BRD7: variants seen among roughly 807,000 people sequenced by gnomAD.
BRD7 encodes the protein bromodomain-containing protein 7.
BRD7 carries 15 observed loss-of-function variants against 82.1 expected under a neutral mutation model. That is an observed-to-expected ratio of 0.18 (90% CI 0.12 to 0.28). The LOEUF (loss-of-function observed/expected upper bound fraction) is 0.28. Ranked by LOEUF, BRD7 falls within the 10% of genes least tolerant of loss-of-function variation. The probability of loss-of-function intolerance (pLI) is 1.00; values close to 1 mark genes in which losing one functional copy is unlikely to be tolerated. For missense variants in BRD7, 638 were observed against 779.9 expected (o/e 0.82, Z 2.17); for synonymous variants, 232 against 266.9 (o/e 0.87, Z 1.27).
rs764216414 is a variant in BRD7 at position 50,326,382 on chromosome 16, T to G, written c.1097A>C (p.Tyr366Ser). 1.9e-6 allele frequency: 3 copies of G among 1,581,948 alleles called. No homozygotes were observed. Among genetic ancestry groups the G allele is most frequent in the Non-Finnish European group, 2.6e-6 (3 of 1,158,708 alleles). ...PVDPIVGEPG[Y>S]CPVRLGMTTG... ...TGTCATTCCCAGTCTCACAGGGCAG[T>G]AGCCTGGCTCTACAACATAAAACAG... is the stretch of plus-strand genomic sequence containing the variant. Residue 366 changes from tyrosine (Y) to serine (S), a missense_variant, in exon 10 of 17, where the codon TAC (tyrosine) becomes TCC (serine). Tyr to Ser is a moderately radical substitution (Grantham distance 144). Coordinates refer to ENST00000394688, the MANE Select transcript of BRD7 (RefSeq NM_013263.5).
intron 2 of BRD7, among the ~76,000 whole-genome samples, chr16:50,362,103 CAT>C (rs1283547140): frequency 6.6e-6 from 1 of 152,210 alleles, no homozygotes; most frequent in East Asian, 1.9e-4. Context: ...GTTAACTGAA[CAT>C]ATAGTGTTAC....
intron 16 of BRD7, 31 bp from the exon 17 acceptor site, chr16:50,319,297 A>G: frequency 1.9e-6 from 3 of 1,603,612 alleles, no homozygotes; most frequent in African/African-American, 1.3e-5. Context: ...TTAATTCAAC[A>G]TTGTTTTTAC....
chr16:50,358,248 G>T (rs965623901), intron 2 of BRD7, among the ~76,000 whole-genome samples: 6 of 147,532 alleles, frequency 4.1e-5, no homozygotes, highest in Non-Finnish European at 6.0e-5. Context: ...CTGCTGGCTG[G>T]ATGCGGTGGC....
intron 9 of BRD7, among the ~76,000 whole-genome samples, chr16:50,326,981 G>A (rs1034963666): frequency 6.6e-6 from 1 of 152,192 alleles, no homozygotes; most frequent in African/African-American, 2.4e-5. Flanking sequence ...ATCTAACAGA[G>A]GGACATCTGC....
intron 2 of BRD7, among the ~76,000 whole-genome samples, chr16:50,364,159 G>A (rs1237088316): frequency 6.6e-6 from 1 of 152,100 alleles, no homozygotes; most frequent in African/African-American, 2.4e-5. Flanking sequence ...ATAAGCAGAA[G>A]TTATGTATGC....
At chr16:50,336,948 G>C (rs1373959243) in intron 6 of BRD7, among the ~76,000 whole-genome samples, 1 of 152,152 alleles carries the variant, frequency 6.6e-6, no homozygotes, top group Non-Finnish European at 1.5e-5. Flanking sequence ...TAACAGGGCT[G>C]GTTCTTTGCT....
intron 2 of BRD7, among the ~76,000 whole-genome samples, chr16:50,356,160 TA>T (rs993670384): frequency 2.6e-5 from 4 of 152,326 alleles, no homozygotes; most frequent in Admixed American, 2.6e-4. Context: ...CAAGTTTTGA[TA>T]AAAATGTAGA....
At chr16:50,336,624 T>A (rs1488200131) in intron 6 of BRD7, among the ~76,000 whole-genome samples, 1 of 152,212 alleles carries the variant, frequency 6.6e-6, no homozygotes, top group Non-Finnish European at 1.5e-5. Context: ...ATTTGATTTT[T>A]AAAAACACGT....
At chr16:50,329,495 A>T (rs1251226187) in intron 8 of BRD7, among the ~76,000 whole-genome samples, 1 of 152,178 alleles carries the variant, frequency 6.6e-6, no homozygotes, top group Non-Finnish European at 1.5e-5. Flanking sequence ...TCAGGAGTGG[A>T]GGGACCAAGA....
intron 11 of BRD7, among the ~76,000 whole-genome samples, chr16:50,324,759 T>C (rs1344217283): frequency 6.6e-6 from 1 of 152,234 alleles, no homozygotes; most frequent in Non-Finnish European, 1.5e-5. Context: ...TGCTTTACCT[T>C]TCTCCAAAGC....
At chr16:50,355,987 C>T (rs967405288) in intron 2 of BRD7, among the ~76,000 whole-genome samples, 1 of 151,898 alleles carries the variant, frequency 6.6e-6, no homozygotes, top group Non-Finnish European at 1.5e-5. Flanking sequence ...GCAAAAAATC[C>T]AAAAAAGAAA....
At position 50,316,718 on chromosome 16, in the gene BRD7, T is replaced by TCCCAAGGAATTGAAAGTCAA. The variant is rs774852959; in HGVS notation, c.*2473_*2492dup. 3 of 152,282 alleles carry TCCCAAGGAATTGAAAGTCAA rather than the reference T, an allele frequency of 2.0e-5. No individual in the cohort carries two copies. Among genetic ancestry groups the TCCCAAGGAATTGAAAGTCAA allele is most frequent in the Non-Finnish European group, 4.4e-5 (3 of 68,038 alleles). 9.4% of individuals were successfully genotyped at this position (152,282 alleles called of 1,614,324 possible). A position where few individuals can be genotyped will look rare whatever the true frequency, so the allele number is the denominator to read the frequency against. The stretch of plus-strand genomic sequence containing the variant: ...GGATGTGTCTTACTGTGCTTCAACT[T>TCCCAAGGAATTGAAAGTCAA]CCCAAGGAATTGAAAGTCAACCTAA... On this transcript the variant is annotated 3_prime_UTR_variant, in exon 17 of 17. Transcript: ENST00000394688.
Position 50,318,580 on chromosome 16 carries a change from A to AAGT in BRD7, c.*628_*630dup, listed in dbSNP as rs2036930170. ...GACCTTTGTATTTCAGATAAACAGT[A>AAGT]AGTAAAGTAGAAATGTCACCTTTTG... On this transcript the variant is annotated 3_prime_UTR_variant, in exon 17 of 17. Transcript: ENST00000394688. 1 of 152,222 alleles carries AAGT rather than the reference A, an allele frequency of 6.6e-6. No individual in the cohort carries two copies. Among genetic ancestry groups the AAGT allele is most frequent in the African/African-American group, 2.4e-5 (1 of 41,464 alleles). 9.4% of individuals were successfully genotyped at this position (152,222 alleles called of 1,614,324 possible). A position where few individuals can be genotyped will look rare whatever the true frequency, so the allele number is the denominator to read the frequency against.
At chr16:50,349,247 G>A (rs888908717) in intron 5 of BRD7, 1 of 210,982 alleles carries the variant, frequency 4.7e-6, no homozygotes, top group African/African-American at 2.4e-5. Context: ...GGCCTGTTGT[G>A]GGGTGGGGGC....
chr16:50,357,161 A>G (rs1266923139), intron 2 of BRD7, among the ~76,000 whole-genome samples: 1 of 152,244 alleles, frequency 6.6e-6, no homozygotes, highest in Non-Finnish European at 1.5e-5. Flanking sequence ...CCTTGTCCCT[A>G]GAATTACTGA....
In BRD7 at chr16:50,337,364, G is replaced by A. The variant is rs139400832; in HGVS notation, c.703-2469C>T. ...CAACCTCCACCTCCCAGGTTCAAGCGATTCTCCTGCCTCAGCCTCCTGAGT... is the reference window on the plus strand; with the variant it reads ...CAACCTCCACCTCCCAGGTTCAAGCAATTCTCCTGCCTCAGCCTCCTGAGT... On this transcript the variant is annotated intron_variant, in intron 6 of 16. Coordinates refer to ENST00000394688, the MANE Select transcript of BRD7 (RefSeq NM_013263.5). Among the ~76,000 whole-genome samples the A allele has an allele frequency of 5.7e-3, 854 of 148,534 alleles. 9 individuals are homozygous for A. Among genetic ancestry groups the A allele is most frequent in the African/African-American group, 0.02 (809 of 40,426 alleles).
chr16:50,319,014 C>T lies in BRD7; in HGVS notation c.*197G>A. The T allele has an allele frequency of 1.7e-6, 1 of 574,704 alleles. No homozygotes were observed. The highest frequency in any genetic ancestry group is 2.4e-5 in the South Asian group (1 of 42,096). The allele number at this position is 574,704 out of a possible 1,614,324, so 35.6% of individuals were successfully genotyped here. On this transcript the variant is annotated 3_prime_UTR_variant, in exon 17 of 17. Transcript: ENST00000394688. ...TGCTGCACAGGTATGGCAACAGCCC[C>T]AAGCACATTCCTTCCTCACGAGTCC...
At chr16:50,365,375 G>A (rs150107205) in intron 2 of BRD7, among the ~76,000 whole-genome samples, 1 of 152,296 alleles carries the variant, frequency 6.6e-6, no homozygotes, top group East Asian at 1.9e-4. Context: ...CTGAGTCCCT[G>A]TTAGTCACTC....
intron 2 of BRD7, among the ~76,000 whole-genome samples, chr16:50,356,356 T>C (rs971574909): frequency 6.6e-6 from 1 of 152,200 alleles, no homozygotes; most frequent in Non-Finnish European, 1.5e-5. Context: ...TACTGCAGCA[T>C]TGTTTAAAAT....
Sources: allele counts gnomAD v4.1 joint callset (sites outside exome capture counted in the v4.1 genomes callset), GRCh38; gene constraint gnomAD v4.1.1; transcripts MANE v1.5; gene names NCBI Gene and HGNC (gene_info 2026-07-23, HGNC 2026-07-21).